The following DOCK4 variants were observed in gnomAD, a reference collection of about 807,000 sequenced individuals.
DOCK4 encodes dedicator of cytokinesis 4.
DOCK4 carries 97 observed loss-of-function variants against 268.1 expected under a neutral mutation model. That is an observed-to-expected ratio of 0.36 (90% CI 0.31 to 0.43). DOCK4 has a LOEUF of 0.43. Among genes scored for constraint, DOCK4 ranks in the 20% least tolerant of loss-of-function variants. The pLI, the probability that DOCK4 is intolerant of heterozygous loss-of-function variation, is 1.00. For synonymous variants in DOCK4, 954 were observed against 887.2 expected, an observed-to-expected ratio of 1.08 and a Z score of -1.34; for missense variants, 2,145 against 2,455.7, an observed-to-expected ratio of 0.87 and a Z score of 2.67.
intron 8 of DOCK4, among the ~76,000 whole-genome samples, chr7:111,952,711 G>A (rs537742119): frequency 7.9e-5 from 12 of 152,164 alleles, no homozygotes; most frequent in Non-Finnish European, 1.0e-4. Context: ...TACAAAGAAC[G>A]CTTGTAAAAT....
chr7:112,051,901 A>G (rs946356938), intron 1 of DOCK4, among the ~76,000 whole-genome samples: 2 of 152,154 alleles, frequency 1.3e-5, no homozygotes, highest in Non-Finnish European at 2.9e-5. Context: ...ACAGATATCT[A>G]TCGATATTTA....
intron 15 of DOCK4, among the ~76,000 whole-genome samples, chr7:111,895,956 AAATTGCTTTTT>A (rs1808713016): frequency 6.6e-6 from 1 of 152,132 alleles, no homozygotes; most frequent in Non-Finnish European, 1.5e-5. Context: ...TCACTATCTG[AAATTGCTTTTT>A]AAAAAATTTG....
At chr7:112,087,850 GA>G (rs901798590) in intron 1 of DOCK4, among the ~76,000 whole-genome samples, 1 of 152,070 alleles carries the variant, frequency 6.6e-6, no homozygotes, top group African/African-American at 2.4e-5. Flanking sequence ...CATCGTGAAT[GA>G]AATACAGCCC....
At chr7:111,869,517 A>C in intron 21 of DOCK4, 57 bp downstream of exon 21, 3 of 1,494,600 alleles carry the variant, frequency 2.0e-6, no homozygotes, top group Non-Finnish European at 2.8e-6. Context: ...AATTAGTTTA[A>C]GCATCAGCAT....
chr7:112,183,154 C>G (rs1051338712), intron 1 of DOCK4, among the ~76,000 whole-genome samples: 5 of 152,188 alleles, frequency 3.3e-5, no homozygotes, highest in African/African-American at 1.2e-4. Context: ...TGAGCAAGGC[C>G]AGCTCAGTCT....
chr7:112,047,687 G>GTTTA lies in DOCK4; in HGVS notation c.38-43560_38-43557dup, dbSNP rs945820072. ...AATGAAACACAGAGAAAATTAATTA[G>GTTTA]TTTATTTATTTATTTATTGGAGATG... On this transcript the variant is annotated intron_variant, in intron 1 of 52. Coordinates refer to ENST00000428084, the MANE Select transcript of DOCK4 (RefSeq NM_001363540.2). 4.1e-3 allele frequency among the ~76,000 whole-genome samples: 624 copies of GTTTA among 152,134 alleles called. 2 individuals carry two copies. The highest frequency in any genetic ancestry group is 0.014 in the African/African-American group (584 of 41,506).
chr7:112,180,687 T>C (rs867266970), intron 1 of DOCK4, among the ~76,000 whole-genome samples: 2 of 152,200 alleles, frequency 1.3e-5, no homozygotes, highest in Admixed American at 1.3e-4. Flanking sequence ...ACTGTCCCGA[T>C]GATGGCATCC....
chr7:112,089,769 G>A (rs151010923), intron 1 of DOCK4, among the ~76,000 whole-genome samples: 219 of 152,118 alleles, frequency 1.4e-3, no homozygotes, highest in African/African-American at 4.6e-3. Flanking sequence ...AATGTAAGTC[G>A]TGCCTGCTTC....
chr7:111,861,196 C>G (rs1739871055), intron 23 of DOCK4, among the ~76,000 whole-genome samples: 1 of 152,134 alleles, frequency 6.6e-6, no homozygotes, highest in African/African-American at 2.4e-5. Flanking sequence ...ACCCTTAGGA[C>G]TGAGCAGCAG....
intron 26 of DOCK4, among the ~76,000 whole-genome samples, chr7:111,828,892 A>G (rs539804240): frequency 0.014 from 1,923 of 138,478 alleles, 47 homozygotes; most frequent in African/African-American, 0.051. Context: ...GTGTGTGTAT[A>G]TATATATATA....
At chr7:112,050,505 A>C (rs1325420545) in intron 1 of DOCK4, among the ~76,000 whole-genome samples, 1 of 152,166 alleles carries the variant, frequency 6.6e-6, no homozygotes, top group African/African-American at 2.4e-5. Flanking sequence ...ATTGAATTTC[A>C]ATTAGTCTTC....
At chr7:111,915,950 G>A (rs766860678) in intron 12 of DOCK4, 46 bp from the exon 13 acceptor site, 2 of 1,575,060 alleles carry the variant, frequency 1.3e-6, no homozygotes, top group African/African-American at 1.4e-5. Context: ...AATAGAAATA[G>A]AATAAAGAGA....
intron 8 of DOCK4, among the ~76,000 whole-genome samples, chr7:111,973,154 G>GGCAT (rs952790734): frequency 6.0e-5 from 3 of 50,012 alleles, no homozygotes; most frequent in African/African-American, 3.4e-4. Flanking sequence ...AGTATTCCAT[G>GGCAT]GCATATATAT....
Position 111,760,071 on chromosome 7 carries a change from C to T in DOCK4, c.4162+110G>A, listed in dbSNP as rs114994398. ...GATGATGGGAAAGAGGGAGCAGTAA[C>T]GATGTGGCTATTGAAAAGGGACTGG... On this transcript the variant is annotated intron_variant, in intron 40 of 52. Coordinates refer to ENST00000428084, the MANE Select transcript of DOCK4 (RefSeq NM_001363540.2). 10 of 1,347,150 alleles carry T rather than the reference C, an allele frequency of 7.4e-6. No individual in the cohort carries two copies. In the African/African-American group the frequency reaches 1.0e-4, roughly 14 times the overall value. The allele number at this position is 1,347,150 out of a possible 1,614,324, so 83.4% of individuals were successfully genotyped here. A position where few individuals can be genotyped will look rare whatever the true frequency, so the allele number is the denominator to read the frequency against.
intron 1 of DOCK4, among the ~76,000 whole-genome samples, chr7:112,119,650 G>T (rs1812540874): frequency 6.6e-6 from 1 of 152,156 alleles, no homozygotes; most frequent in Non-Finnish European, 1.5e-5. Context: ...GAGTTCTGAA[G>T]TCAGAAACCT....
intron 26 of DOCK4, among the ~76,000 whole-genome samples, chr7:111,824,137 T>C (rs1188780082): frequency 6.6e-6 from 1 of 152,156 alleles, no homozygotes; most frequent in Non-Finnish European, 1.5e-5. Context: ...CCAAATGTAT[T>C]TCACTGTAGG....
intron 1 of DOCK4, among the ~76,000 whole-genome samples, chr7:112,082,606 T>C (rs1465311937): frequency 6.6e-6 from 1 of 152,164 alleles, no homozygotes; most frequent in Admixed American, 6.6e-5. Context: ...AGAGAATGTA[T>C]TGTTAATATT....
chr7:111,927,336 A>G (rs17159016), intron 12 of DOCK4, among the ~76,000 whole-genome samples: 29,661 of 152,220 alleles, frequency 0.19, 3,708 homozygotes, highest in East Asian at 0.38. Flanking sequence ...AAGAGTTATA[A>G]AGAACATAAG....
At chr7:112,196,093 G>A (rs570615571) in intron 1 of DOCK4, among the ~76,000 whole-genome samples, 14 of 152,168 alleles carry the variant, frequency 9.2e-5, no homozygotes, top group South Asian at 6.2e-4. Context: ...TTGCCTTCCC[G>A]CTTCCATAGA....
Sources: allele counts gnomAD v4.1 joint callset (sites outside exome capture counted in the v4.1 genomes callset), GRCh38; gene constraint gnomAD v4.1.1; transcripts MANE v1.5; gene names NCBI Gene and HGNC (gene_info 2026-07-23, HGNC 2026-07-21).